Variants in LRRC75B observed in about 807,000 individuals in gnomAD.
LRRC75B encodes the protein leucine rich repeat containing 75B.
A neutral mutation model predicts 16.5 loss-of-function variants in LRRC75B; 20 were observed. The ratio of observed to expected loss-of-function variants is 1.21; its 90% confidence interval spans 0.85 to 1.76. LRRC75B has a LOEUF of 1.76. LRRC75B is among the 40% of genes most tolerant of loss of function. The pLI is 0.00. For synonymous variants in LRRC75B, 199 were observed against 198.1 expected, an observed-to-expected ratio of 1.00 and a Z score of -0.04; for missense variants, 406 against 417.0, an observed-to-expected ratio of 0.97 and a Z score of 0.23.
chr22:24,588,457 C>T, intron 2 of LRRC75B, 128 bp from the exon 3 acceptor site: 1 of 797,174 alleles, frequency 1.3e-6, no homozygotes, highest in Non-Finnish European at 2.0e-6. Flanking sequence ...CACCGAGTTG[C>T]CCACCAGGGC....
chr22:24,588,474 C>A lies in LRRC75B; in HGVS notation c.307-145G>T. 3 of 771,860 alleles carry A rather than the reference C, an allele frequency of 3.9e-6. No homozygotes were observed. In the South Asian group the frequency reaches 5.1e-5, roughly 13 times the overall value. 47.8% of individuals were successfully genotyped at this position (771,860 alleles called of 1,614,324 possible). On this transcript the variant is annotated intron_variant, in intron 2 of 3. Coordinates refer to ENST00000318753, the MANE Select transcript of LRRC75B (RefSeq NM_207644.3). ...CCGAGTTGCCCACCAGGGCCTCCCC[C>A]TCCTACCCCCCAACCCGGCTGTGGC...
intron 2 of LRRC75B, chr22:24,589,413 C>A (rs201139416): frequency 1.9e-6 from 2 of 1,040,150 alleles, no homozygotes; most frequent in Non-Finnish European, 2.4e-6. Context: ...GACGGGGGCT[C>A]TAGCCGAGAG....
chr22:24,589,511 C>T, intron 2 of LRRC75B: 3 of 489,452 alleles, frequency 6.1e-6, no homozygotes, highest in Non-Finnish European at 9.0e-6. Context: ...CGCAGGGTCC[C>T]CATATGACTT....
chr22:24,587,860 C>A (rs568195289), intron 3 of LRRC75B, among the ~76,000 whole-genome samples: 2 of 152,276 alleles, frequency 1.3e-5, no homozygotes, highest in East Asian at 3.9e-4. Flanking sequence ...TCCCCCGCAA[C>A]CTGTTGGGAA....
At chr22:24,592,648 C>T in intron 1 of LRRC75B, 1 of 752,572 alleles carries the variant, frequency 1.3e-6, no homozygotes, top group Non-Finnish European at 2.0e-6. Flanking sequence ...CCTCACCCAG[C>T]CCTCACTCCA....
chr22:24,589,855 A>ATG lies in LRRC75B; in HGVS notation c.271_272insCA (p.Val91AlafsTer2). On this transcript the variant is annotated frameshift_variant, in exon 2 of 4. Transcript: ENST00000318753. LOFTEE classifies it high-confidence loss of function. ...GCACTGCAGGTCCCGGGCCAGGTTCACAAGCAGGTCATGGGAGATGGGGTC... is the reference window on the plus strand; with the variant it reads ...GCACTGCAGGTCCCGGGCCAGGTTCATGCAAGCAGGTCATGGGAGATGGGGTC... 6.2e-7 allele frequency: 1 copy of ATG among 1,613,758 alleles called. No individual in the cohort carries two copies. Among genetic ancestry groups the ATG allele is most frequent in the Non-Finnish European group, 8.5e-7 (1 of 1,179,872 alleles).
rs1271778982 is a variant in LRRC75B at position 24,592,961 on chromosome 22, GCGCGGGCCCGC to G, written c.68_78del (p.Cys23SerfsTer38). The G allele has an allele frequency of 8.4e-7, 1 of 1,191,410 alleles. No individual in the cohort carries two copies. Among genetic ancestry groups the G allele is most frequent in the African/African-American group, 1.6e-5 (1 of 62,476 alleles). The allele number at this position is 1,191,410 out of a possible 1,614,324, so 73.8% of individuals were successfully genotyped here. ...AGCCACCGCACCCGGCGCTCGTAGG[GCGCGGGCCCGC>G]AGCCGGCCGCCGCCCCGGCCTCAGA... On this transcript the variant is annotated frameshift_variant, in exon 1 of 4. Transcript: ENST00000318753. LOFTEE classifies it high-confidence loss of function.
intron 1 of LRRC75B, 45 bp from the exon 2 acceptor site, chr22:24,589,994 CA>C: frequency 6.6e-7 from 1 of 1,508,458 alleles, no homozygotes; most frequent in Non-Finnish European, 8.9e-7. Flanking sequence ...TTGGGTCTCC[CA>C]TCTCGAGGCA....
intron 3 of LRRC75B, 96 bp from the exon 4 acceptor site, chr22:24,586,507 G>T (rs1694487306): frequency 7.9e-7 from 1 of 1,269,844 alleles, no homozygotes; most frequent in African/African-American, 1.5e-5. Context: ...CAGGCCTACA[G>T]TCTGGCAAAG....
At chr22:24,592,606 T>C in intron 1 of LRRC75B, 1 of 523,496 alleles carries the variant, frequency 1.9e-6, no homozygotes, top group Non-Finnish European at 3.3e-6. Flanking sequence ...CCGGACACAC[T>C]CAGCAGCCCC....
At chr22:24,589,077 G>A in intron 2 of LRRC75B, 1 of 1,067,934 alleles carries the variant, frequency 9.4e-7, no homozygotes, top group Non-Finnish European at 1.1e-6. Flanking sequence ...AGAGTCCTAG[G>A]GGCCGACTGT....
intron 2 of LRRC75B, chr22:24,588,682 A>G: frequency 9.1e-7 from 1 of 1,104,570 alleles, no homozygotes; most frequent in Non-Finnish European, 1.1e-6. Context: ...GACTTGCCAC[A>G]GGGGGAGGAG....
chr22:24,592,764 G>C (rs1449140294), intron 1 of LRRC75B, 99 bp downstream of exon 1: 2 of 1,285,404 alleles, frequency 1.6e-6, no homozygotes, highest in Non-Finnish European at 2.0e-6. Context: ...CCTCCCGGCG[G>C]ATACAGGCCC....
In LRRC75B at chr22:24,586,704, T is replaced by A. The variant is rs28520898; in HGVS notation, c.423-293A>T. Among the ~76,000 whole-genome samples, 182 of 152,368 alleles carry A rather than the reference T, an allele frequency of 1.2e-3. 3 individuals carry two copies. In the South Asian group the frequency reaches 0.036, roughly 30 times the overall value. ...GTGCCACCACGCCTGGCTAATTTTG[T>A]ATTTTTAGTAGAGGCGGGGTTTCTC... On this transcript the variant is annotated intron_variant, in intron 3 of 3. Coordinates refer to ENST00000318753, the MANE Select transcript of LRRC75B (RefSeq NM_207644.3).
chr22:24,585,917 C>G lies in LRRC75B; in HGVS notation c.917G>C (p.Gly306Ala). Residue 306 changes from glycine (G) to alanine (A), a missense_variant, in exon 4 of 4, where the codon GGA becomes GCA. Transcript: ENST00000318753. ...STWDSTAAGL[G>A]PEPQACCAR ...GGCACAGCAGGCCTGGGGCTCGGGT[C>G]CCAGCCCAGCAGCTGTGGAGTCCCA... 6.2e-7 allele frequency: 1 copy of G among 1,603,782 alleles called. No individual in the cohort carries two copies. Among genetic ancestry groups the G allele is most frequent in the Non-Finnish European group, 8.5e-7 (1 of 1,176,940 alleles).
intron 3 of LRRC75B, among the ~76,000 whole-genome samples, chr22:24,587,424 G>A (rs568359030): frequency 2.6e-5 from 4 of 152,320 alleles, no homozygotes; most frequent in East Asian, 1.9e-4. Flanking sequence ...GGGACTGACA[G>A]CAGTGAGCAC....
intron 2 of LRRC75B, chr22:24,589,391 G>T: frequency 9.2e-7 from 1 of 1,085,174 alleles, no homozygotes. Context: ...ACAGGATGGA[G>T]ACCTGCGGAC....
chr22:24,592,128 C>T lies in LRRC75B; in HGVS notation c.177+735G>A, dbSNP rs148507877. 3,111 of 375,832 alleles carry T rather than the reference C, an allele frequency of 8.3e-3. 98 individuals carry two copies. Among genetic ancestry groups the T allele is most frequent in the African/African-American group, 0.059 (2,824 of 47,472 alleles). The allele number at this position is 375,832 out of a possible 1,614,324, so 23.3% of individuals were successfully genotyped here. Reference sequence around the variant, plus strand: ...TGGTAGCTGCTGTAGGGGGTGGGGACGGGGTGGTGAGGGAAGTGGCATGCC... The same window carrying T: ...TGGTAGCTGCTGTAGGGGGTGGGGATGGGGTGGTGAGGGAAGTGGCATGCC... On this transcript the variant is annotated intron_variant, in intron 1 of 3. Coordinates refer to ENST00000318753, the MANE Select transcript of LRRC75B (RefSeq NM_207644.3).
At position 24,586,332 on chromosome 22, in the gene LRRC75B, C is replaced by T. The variant is rs774605663; in HGVS notation, c.502G>A (p.Val168Met). Reference sequence around the variant, plus strand: ...CTCAGGTAGCGTGTGATGTGTTGCACGTCCTGTGTCGACAGCGGGATGCCT... The same window carrying T: ...CTCAGGTAGCGTGTGATGTGTTGCATGTCCTGTGTCGACAGCGGGATGCCT... ...LSGIPLSTQD[V>M]QHITRYLSSH... is the part of the protein sequence containing the mutation. The change falls in exon 4 of 4, where the codon GTG (valine) becomes ATG (methionine). Residue 168 changes from valine (V) to methionine (M), a missense_variant. Val to Met is a conservative substitution (Grantham distance 21). Coordinates refer to ENST00000318753, the MANE Select transcript of LRRC75B (RefSeq NM_207644.3). 104 of 1,613,966 alleles carry T rather than the reference C, an allele frequency of 6.4e-5. No individual in the cohort carries two copies. Among genetic ancestry groups the T allele is most frequent in the Middle Eastern group, 3.3e-4 (2 of 6,062 alleles).
Sources: allele counts gnomAD v4.1 joint callset (sites outside exome capture counted in the v4.1 genomes callset), GRCh38; gene constraint gnomAD v4.1.1; transcripts MANE v1.5; gene names NCBI Gene and HGNC (gene_info 2026-07-23, HGNC 2026-07-21).